GAB3: variants seen among roughly 807,000 people sequenced by gnomAD.
The protein encoded by GAB3 is GRB2 associated binding protein 3, also known as GRB2-associated-binding protein 3.
A neutral mutation model predicts 40.4 loss-of-function variants in GAB3; 12 were observed. The ratio of observed to expected loss-of-function variants is 0.30; its 90% CI spans 0.19 to 0.48. The LOEUF (loss-of-function observed/expected upper bound fraction) is 0.48, where lower values mean the gene tolerates loss of function less well. GAB3 is among the 20% of genes least tolerant of loss of function. The probability of loss-of-function intolerance (pLI) is 0.99; values close to 1 mark genes in which losing one functional copy is unlikely to be tolerated. For missense variants in GAB3, 381 were observed against 461.9 expected (o/e 0.82, Z 1.61); for synonymous variants, 154 against 176.7 (o/e 0.87, Z 1.02).
intron 1 of GAB3, among the ~76,000 whole-genome samples, chrX:154,740,563 C>T (rs1192077774): frequency 9.0e-6 from 1 of 110,950 alleles, no homozygotes; most frequent in Non-Finnish European, 1.9e-5. Context: ...GGTCACAAGG[C>T]GCCCAAGTGA....
Position 154,709,943 on chromosome X carries a change from AGGTAAATGAGAATATGTT to A in GAB3, c.1069+2268_1069+2285del, listed in dbSNP as rs1462897876. The stretch of plus-strand genomic sequence containing the variant: ...GTGGTTGTCAGGGACTGGGGAATGC[AGGTAAATGAGAATATGTT>A]GGTCAAAAGGTACAAACTTTCAGTG... On this transcript the variant is annotated intron_variant, in intron 4 of 9. Coordinates refer to ENST00000424127, the MANE Select transcript of GAB3 (RefSeq NM_001081573.3). Among the ~76,000 whole-genome samples, 11 of 111,933 alleles carry A rather than the reference AGGTAAATGAGAATATGTT, an allele frequency of 9.8e-5. No individual in the cohort carries two copies. In the East Asian group the frequency reaches 2.8e-3, roughly 29 times the overall value.
chrX:154,708,570 G>A (rs1227305921), intron 4 of GAB3, among the ~76,000 whole-genome samples: 2 of 112,090 alleles, frequency 1.8e-5, no homozygotes, highest in Non-Finnish European at 3.8e-5. Flanking sequence ...GCAAAGATCC[G>A]AATAGACATT....
chrX:154,704,955 C>T (rs782432190), intron 4 of GAB3, among the ~76,000 whole-genome samples: 3 of 111,408 alleles, frequency 2.7e-5, no homozygotes, highest in African/African-American at 9.8e-5. Flanking sequence ...AAAAGGTCTT[C>T]CAACAAAGTA....
At chrX:154,714,300 A>G (rs1459601421) in intron 2 of GAB3, among the ~76,000 whole-genome samples, 11 of 112,017 alleles carry the variant, frequency 9.8e-5, no homozygotes, top group Non-Finnish European at 1.5e-4. Flanking sequence ...AGCCATTACT[A>G]CATGGCCTGC....
At chrX:154,716,693 T>C (rs1397575438) in intron 1 of GAB3, among the ~76,000 whole-genome samples, 8 of 112,462 alleles carry the variant, frequency 7.1e-5, no homozygotes, top group African/African-American at 2.6e-4. Context: ...CTATTATGTA[T>C]CTCAGTTCAA....
At chrX:154,715,333 G>A (rs1285121099) in intron 2 of GAB3, among the ~76,000 whole-genome samples, 2 of 111,204 alleles carry the variant, frequency 1.8e-5, no homozygotes, top group South Asian at 3.8e-4. Context: ...CAAAATCCAT[G>A]AAGGGAAGTT....
chrX:154,694,583 A>C (rs368690592), intron 8 of GAB3, among the ~76,000 whole-genome samples: 14 of 110,969 alleles, frequency 1.3e-4, no homozygotes, highest in Non-Finnish European at 2.5e-4. Context: ...TTAGTAGAGA[A>C]GGGGTTTCAC....
At chrX:154,716,911 T>A (rs781897441) in intron 1 of GAB3, among the ~76,000 whole-genome samples, 1 of 111,881 alleles carries the variant, frequency 8.9e-6, no homozygotes, top group Non-Finnish European at 1.9e-5. Context: ...ACTAATAGAA[T>A]TCTCAGAGAA....
At chrX:154,688,879 A>C (rs1471461587) in intron 8 of GAB3, among the ~76,000 whole-genome samples, 2 of 111,790 alleles carry the variant, frequency 1.8e-5, no homozygotes, top group East Asian at 5.6e-4. Flanking sequence ...TATTCCAATT[A>C]ATAGAAAAAG....
intron 8 of GAB3, among the ~76,000 whole-genome samples, chrX:154,683,671 G>GTAGCAAC (rs2070407185): frequency 1.8e-5 from 2 of 112,180 alleles, no homozygotes; most frequent in Admixed American, 1.9e-4. Context: ...TATAAGTCAA[G>GTAGCAAC]TTGCTTCTTG....
chrX:154,719,434 C>T (rs1212630078), intron 1 of GAB3, among the ~76,000 whole-genome samples: 2 of 111,834 alleles, frequency 1.8e-5, no homozygotes, highest in Admixed American at 9.5e-5. Flanking sequence ...GGGGAGGCTT[C>T]CAGGAAGAAG....
chrX:154,732,451 G>T (rs1461040576), intron 1 of GAB3, among the ~76,000 whole-genome samples: 2 of 111,655 alleles, frequency 1.8e-5, no homozygotes, highest in Non-Finnish European at 3.8e-5. Context: ...ATTAATTAAT[G>T]AATCTCTATC....
In GAB3 at chrX:154,699,387, T is replaced by A. The variant is rs781969249; in HGVS notation, c.1252A>T (p.Met418Leu). 5 of 1,210,995 alleles carry A rather than the reference T, an allele frequency of 4.1e-6. No homozygotes were observed. In the East Asian group the frequency reaches 1.5e-4, roughly 36 times the overall value. Residue 418 changes from methionine to leucine, a missense_variant, in exon 6 of 10, where the codon ATG becomes TTG. Around this residue, in one of 2 missense-constraint regions of GAB3, gnomAD observed 364 missense variants for 421.0 expected, o/e 0.86. Transcript: ENST00000424127. Reference protein sequence around the residue: ...PHCSPDDYIPMNSGSISSPLP... With the variant: ...PHCSPDDYIPLNSGSISSPLP... ...GGGCTTGAGATGCTTCCTGAGTTCA[T>A]TGGAATGTAGTCATCAGGGCTGCAG...
Position 154,749,156 on chromosome X carries a change from C to T in GAB3, c.72+1798G>A, listed in dbSNP as rs782716095. Among the ~76,000 whole-genome samples, 10 of 111,557 alleles carry T rather than the reference C, an allele frequency of 9.0e-5. No individual in the cohort carries two copies. In the South Asian group the frequency reaches 1.9e-3, roughly 21 times the overall value. On this transcript the variant is annotated intron_variant, in intron 1 of 9. Transcript: ENST00000424127. ...ACACGCCCCACATATCTCTAAGCTG[C>T]GCAGTGTCCACTCTTGCCACATCCC...
chrX:154,722,170 T>C (rs1242214087), intron 1 of GAB3, among the ~76,000 whole-genome samples: 1 of 111,192 alleles, frequency 9.0e-6, no homozygotes, highest in Non-Finnish European at 1.9e-5. Context: ...TTATGTTAAG[T>C]GAAACAGGCC....
At chrX:154,716,355 G>A in intron 1 of GAB3, 26 bp from the exon 2 acceptor site, 1 of 1,166,796 alleles carries the variant, frequency 8.6e-7, no homozygotes, top group Non-Finnish European at 1.2e-6. Flanking sequence ...TCAATAAGGA[G>A]TTACTGGACC....
At chrX:154,709,088 G>A (rs1222620287) in intron 4 of GAB3, among the ~76,000 whole-genome samples, 1 of 109,480 alleles carries the variant, frequency 9.1e-6, no homozygotes, top group African/African-American at 3.3e-5. Flanking sequence ...GTGCTGTCTT[G>A]TGATAGAGCT....
chrX:154,733,439 A>G (rs1023124562), intron 1 of GAB3, among the ~76,000 whole-genome samples: 1 of 111,942 alleles, frequency 8.9e-6, no homozygotes, highest in African/African-American at 3.2e-5. Context: ...GATGTGAAAA[A>G]CTTTCGCATT....
intron 1 of GAB3, among the ~76,000 whole-genome samples, chrX:154,748,757 T>C (rs1320503302): frequency 8.9e-6 from 1 of 112,103 alleles, no homozygotes; most frequent in Non-Finnish European, 1.9e-5. Flanking sequence ...AACTATAAAC[T>C]GGAATCAAGT....
Sources: allele counts gnomAD v4.1 joint callset (sites outside exome capture counted in the v4.1 genomes callset), GRCh38; gene constraint gnomAD v4.1.1; regional missense constraint gnomAD v4.1.1; transcripts MANE v1.5; gene names NCBI Gene and HGNC (gene_info 2026-07-23, HGNC 2026-07-21).